Variants in ATRN observed in about 807,000 individuals in gnomAD.
ATRN encodes attractin.
ATRN carries 54 observed loss-of-function variants against 178.7 expected under a neutral mutation model. The observed-to-expected ratio is 0.30, with a 90% CI of 0.24 to 0.38. The LOEUF (loss-of-function observed/expected upper bound fraction) is 0.38, where lower values mean the gene tolerates loss of function less well. ATRN is among the 10% of genes least tolerant of loss of function. The pLI is 1.00. For missense variants in ATRN, 1,443 were observed against 1,815.1 expected (o/e 0.79, Z 3.73); for synonymous variants, 636 against 663.0 (o/e 0.96, Z 0.63).
At chr20:3,566,495 A>G (rs2086037871) in intron 11 of ATRN, among the ~76,000 whole-genome samples, 1 of 152,212 alleles carries the variant, frequency 6.6e-6, no homozygotes. Flanking sequence ...TCTAAGCCAT[A>G]TAAATCCTAA....
chr20:3,570,802 G>A (rs1046995907), intron 11 of ATRN, among the ~76,000 whole-genome samples: 3 of 152,164 alleles, frequency 2.0e-5, no homozygotes, highest in Non-Finnish European at 4.4e-5. Context: ...AGGGGTGACA[G>A]GAGGGAGAAA....
intron 25 of ATRN, among the ~76,000 whole-genome samples, chr20:3,625,535 T>C (rs141298122): frequency 5.4e-4 from 82 of 152,350 alleles, no homozygotes; most frequent in African/African-American, 1.9e-3. Flanking sequence ...CCCTGATTTA[T>C]CACTATACTC....
In ATRN at chr20:3,638,718, A is replaced by C; in HGVS notation, c.3943-110A>C. On this transcript the variant is annotated intron_variant, in intron 26 of 28. Coordinates refer to ENST00000262919, the MANE Select transcript of ATRN (RefSeq NM_139321.3). This position sits in a 1 kb window ranked among gnomAD's most constrained non-coding sequence, Gnocchi z 4.5. ...TCAAGTCTAAAAAGTATCATTTTGG[A>C]CTTGATTTGTTTGAATCAGGGAGGA... 1 of 851,678 alleles carries C rather than the reference A, an allele frequency of 1.2e-6. No individual in the cohort carries two copies. The highest frequency in any genetic ancestry group is 1.8e-6 in the Non-Finnish European group (1 of 549,036). The allele number at this position is 851,678 out of a possible 1,614,324, so 52.8% of individuals were successfully genotyped here.
intron 6 of ATRN, among the ~76,000 whole-genome samples, chr20:3,558,574 C>G (rs1167813354): frequency 1.3e-5 from 2 of 150,974 alleles, no homozygotes; most frequent in Non-Finnish European, 3.0e-5. Context: ...TAATTAAAAT[C>G]AACACTTTAT....
In ATRN at chr20:3,584,024, A is replaced by G. The variant is rs1840507906; in HGVS notation, c.2891A>G (p.Tyr964Cys). 1 of 1,614,140 alleles carries G rather than the reference A, an allele frequency of 6.2e-7. No individual in the cohort carries two copies. Residue 964 changes from tyrosine to cysteine, a missense_variant, in exon 17 of 29, where the codon TAC becomes TGC. Around this residue, in one of 4 missense-constraint regions of ATRN, gnomAD observed 212 missense variants for 330.7 expected, o/e 0.64. Transcript: ENST00000262919. ...NMKQCVDSNA[Y>C]VASFPFGQCM... ...AAGCAGTGTGTGGACTCCAATGCCT[A>G]CGTGGCCTCCTTCCCTTTTGGCCAG...
Position 3,646,928 on chromosome 20 carries a change from A to G in ATRN, c.*81A>G. ...TCTGCAGGGAAGGGCGTGGCGGGGA[A>G]ATGGCTGTGCGGTGCGGGACGGAAG... On this transcript the variant is annotated 3_prime_UTR_variant, in exon 29 of 29. Transcript: ENST00000262919. 1.9e-6 allele frequency: 3 copies of G among 1,561,860 alleles called. No individual in the cohort carries two copies. Among genetic ancestry groups the G allele is most frequent in the Non-Finnish European group, 2.6e-6 (3 of 1,152,064 alleles).
chr20:3,471,508 G>A lies in ATRN; in HGVS notation c.401G>A (p.Gly134Asp). The change falls in exon 1 of 29, where the codon GGC becomes GAC. Residue 134 changes from glycine (G) to aspartate (D), a missense_variant. By Grantham distance (94) the Gly-to-Asp change is moderately conservative (BLOSUM62 -1). Around this residue, in one of 4 missense-constraint regions of ATRN, gnomAD observed 862 missense variants for 972.1 expected, o/e 0.89. Transcript: ENST00000262919. ...WVGEQCQHCG[G>D]RFRLTGSSGF... ...GGCGAGCAATGCCAGCACTGCGGGG[G>A]CCGCTTCAGGTGAGTGGCGGGTGGT... The A allele has an allele frequency of 1.4e-6, 2 of 1,403,270 alleles. No homozygotes were observed. Among genetic ancestry groups the A allele is most frequent in the Non-Finnish European group, 1.8e-6 (2 of 1,087,262 alleles). 86.9% of individuals were successfully genotyped at this position (1,403,270 alleles called of 1,614,324 possible).
In ATRN at chr20:3,646,776, T is replaced by G; in HGVS notation, c.4219T>G (p.Tyr1407Asp). The G allele has an allele frequency of 6.2e-7, 1 of 1,609,358 alleles. No homozygotes were observed. Among genetic ancestry groups the G allele is most frequent in the Non-Finnish European group, 8.5e-7 (1 of 1,177,864 alleles). ...VDISQQMPIV[Y>D]KEKSGAVRNR... The stretch of plus-strand genomic sequence containing the variant: ...CATTTCTCAGCAGATGCCGATAGTG[T>G]ACAAGGAGAAGTCAGGAGCCGTGAG... Residue 1407 changes from tyrosine to aspartate, a missense_variant, in exon 29 of 29, where the codon TAC (tyrosine) becomes GAC (aspartate). This residue lies in a region of ATRN where 289 missense variants were observed against 440.8 expected (regional missense o/e 0.66). Coordinates refer to ENST00000262919, the MANE Select transcript of ATRN (RefSeq NM_139321.3).
intron 1 of ATRN, chr20:3,490,050 T>C (rs2084763905): frequency 1.8e-6 from 2 of 1,134,458 alleles, no homozygotes; most frequent in Admixed American, 3.4e-5. Context: ...AGATCTGGGC[T>C]TCTAGAAAAG....
intron 6 of ATRN, 85 bp downstream of exon 6, chr20:3,549,423 C>A: frequency 8.4e-7 from 1 of 1,196,790 alleles, no homozygotes. Context: ...AATAAATCAC[C>A]AGTCATTCTA....
rs375190031 is a variant in ATRN, at chr20:3,578,635, A to G, written c.2407A>G (p.Thr803Ala). ...HLVGNSCLKI[T>A]TAKENYDNAK... ...GGTTGGAAACTCATGTTTGAAAATTACTACTGCCAAGGAGAATTATGACAA... is the reference window on the plus strand; with the variant it reads ...GGTTGGAAACTCATGTTTGAAAATTGCTACTGCCAAGGAGAATTATGACAA... The change falls in exon 15 of 29, where the codon ACT becomes GCT. Residue 803 changes from threonine (T) to alanine (A), a missense_variant. Coordinates refer to ENST00000262919, the MANE Select transcript of ATRN (RefSeq NM_139321.3). 23 of 1,612,994 alleles carry G rather than the reference A, an allele frequency of 1.4e-5. No individual in the cohort carries two copies. The East Asian group carries it at 4.7e-4, about 33-fold the overall frequency.
At chr20:3,471,762 GGTTA>G (rs1343141945) in intron 1 of ATRN, among the ~76,000 whole-genome samples, 1 of 152,224 alleles carries the variant, frequency 6.6e-6, no homozygotes. Flanking sequence ...TGGGTGCTTA[GGTTA>G]GTTAGATGGG....
intron 1 of ATRN, among the ~76,000 whole-genome samples, chr20:3,478,656 C>T (rs903348585): frequency 1.6e-4 from 24 of 152,220 alleles, no homozygotes; most frequent in Middle Eastern, 6.8e-3. Context: ...GCACGTTCTG[C>T]ACATATATCC....
intron 3 of ATRN, among the ~76,000 whole-genome samples, chr20:3,541,233 A>G (rs1042605907): frequency 6.6e-6 from 1 of 151,472 alleles, no homozygotes; most frequent in Non-Finnish European, 1.5e-5. Flanking sequence ...GCCCGCTACC[A>G]CGCCCGGCTA....
chr20:3,570,524 T>C (rs971622890), intron 11 of ATRN, among the ~76,000 whole-genome samples: 1 of 152,156 alleles, frequency 6.6e-6, no homozygotes, highest in East Asian at 1.9e-4. Flanking sequence ...TTTTTTTTTT[T>C]CAGGGGATGG....
intron 27 of ATRN, among the ~76,000 whole-genome samples, chr20:3,642,754 C>T (rs2146327547): frequency 6.6e-6 from 1 of 152,274 alleles, no homozygotes; most frequent in South Asian, 2.1e-4. Flanking sequence ...CTAAAGGTGG[C>T]CCTCAAGATT....
intron 18 of ATRN, among the ~76,000 whole-genome samples, chr20:3,590,314 A>G (rs979197608): frequency 6.6e-6 from 1 of 152,220 alleles, no homozygotes; most frequent in African/African-American, 2.4e-5. Flanking sequence ...AAGGCTATGG[A>G]AGGTTGCCAA....
At chr20:3,628,278 A>G (rs1040709351) in intron 25 of ATRN, among the ~76,000 whole-genome samples, 1 of 38,172 alleles carries the variant, frequency 2.6e-5, no homozygotes, top group African/African-American at 1.7e-4. Flanking sequence ...TTAGAAAACT[A>G]GAAAGAAACT....
intron 6 of ATRN, among the ~76,000 whole-genome samples, chr20:3,552,862 G>A (rs2085809155): frequency 6.6e-6 from 1 of 152,154 alleles, no homozygotes; most frequent in African/African-American, 2.4e-5. Context: ...CTTGTCAGCT[G>A]AGCTTCACCA....
Sources: allele counts gnomAD v4.1 joint callset (sites outside exome capture counted in the v4.1 genomes callset), GRCh38; gene constraint gnomAD v4.1.1; regional missense constraint gnomAD v4.1.1; non-coding constraint Gnocchi (gnomAD v3.1); transcripts MANE v1.5; gene names NCBI Gene and HGNC (gene_info 2026-07-23, HGNC 2026-07-21).